RUNX1: variants seen among roughly 807,000 people sequenced by gnomAD.
The protein encoded by RUNX1 is runt-related transcription factor 1.
Under a neutral mutation model 42.8 loss-of-function variants are expected in RUNX1, and 19 were observed. That is an observed-to-expected ratio of 0.44 (90% CI 0.31 to 0.65). RUNX1 has a LOEUF of 0.65. Ranked by LOEUF, RUNX1 falls within the 30% of genes least tolerant of loss-of-function variation. RUNX1 has a pLI of 0.07. For missense variants in RUNX1, 528 were observed against 672.0 expected (o/e 0.79, Z 2.37); for synonymous variants, 271 against 289.4 (o/e 0.94, Z 0.64).
intron 6 of RUNX1, among the ~76,000 whole-genome samples, chr21:34,840,839 T>C (rs138023665): frequency 6.6e-6 from 1 of 152,312 alleles, no homozygotes; most frequent in African/African-American, 2.4e-5. Flanking sequence ...ATGAGTGACC[T>C]TGGACTTCAG....
chr21:35,040,619 A>G (rs1403797562), intron 2 of RUNX1, among the ~76,000 whole-genome samples: 1 of 151,948 alleles, frequency 6.6e-6, no homozygotes, highest in Non-Finnish European at 1.5e-5. Flanking sequence ...TAAAAATACA[A>G]AAATTAGCCG....
intron 2 of RUNX1, among the ~76,000 whole-genome samples, chr21:34,909,348 G>C (rs1169702841): frequency 6.6e-6 from 1 of 152,064 alleles, no homozygotes; most frequent in Non-Finnish European, 1.5e-5. Context: ...TTTAAATGTG[G>C]AAAACAGAGA....
chr21:34,903,762 G>C (rs993149056), intron 2 of RUNX1, among the ~76,000 whole-genome samples: 4 of 152,182 alleles, frequency 2.6e-5, no homozygotes, highest in Non-Finnish European at 5.9e-5. Flanking sequence ...TTGGAAAACA[G>C]ACTGTTATAA....
chr21:34,846,215 T>TTTTTTTTTC (rs1385178245), intron 6 of RUNX1, among the ~76,000 whole-genome samples: 8 of 130,168 alleles, frequency 6.1e-5, no homozygotes, highest in Non-Finnish European at 8.6e-5. Context: ...TTTTTTTTTT[T>TTTTTTTTTC]CAAATGTTGC....
intron 7 of RUNX1, among the ~76,000 whole-genome samples, chr21:34,819,489 C>T (rs565636980): frequency 2.0e-5 from 3 of 152,230 alleles, no homozygotes; most frequent in Admixed American, 6.5e-5. Context: ...GGCCCAGAAG[C>T]CACCCGTCAA....
At chr21:34,997,131 G>A (rs1569143739) in intron 2 of RUNX1, among the ~76,000 whole-genome samples, 1 of 152,188 alleles carries the variant, frequency 6.6e-6, no homozygotes, top group Admixed American at 6.5e-5. Context: ...ATTATGTGAT[G>A]GGCTTAAATT....
intron 5 of RUNX1, among the ~76,000 whole-genome samples, chr21:34,872,398 C>CCA (rs776114717): frequency 3.2e-4 from 49 of 152,216 alleles, no homozygotes; most frequent in Non-Finnish European, 5.9e-4. Flanking sequence ...ACTCCTCCAG[C>CCA]CACTGCACAT....
chr21:35,011,472 G>A (rs1014052761), intron 2 of RUNX1, among the ~76,000 whole-genome samples: 2 of 152,228 alleles, frequency 1.3e-5, no homozygotes, highest in Non-Finnish European at 2.9e-5. Context: ...ATATGTTAAT[G>A]TCTGGGGATC....
intron 1 of RUNX1, 54 bp downstream of exon 1, chr21:35,049,114 T>TA (rs2059421275): frequency 2.0e-6 from 1 of 512,434 alleles, no homozygotes; most frequent in Non-Finnish European, 3.5e-6. Flanking sequence ...TTGTTAAAGA[T>TA]TAAAAAAAAA....
intron 2 of RUNX1, among the ~76,000 whole-genome samples, chr21:35,014,697 G>T (rs1232601053): frequency 6.6e-6 from 1 of 152,216 alleles, no homozygotes; most frequent in East Asian, 1.9e-4. Flanking sequence ...GCAAATCGGA[G>T]CTTCCTCCAT....
In RUNX1 at chr21:34,834,498, G is replaced by T; in HGVS notation, c.717C>A (p.Ser239Arg). Residue 239 changes from serine to arginine, a missense_variant, in exon 7 of 9, where the codon AGC becomes AGA. By Grantham distance (110) the Ser-to-Arg change is moderately radical. Around this residue, in one of 3 missense-constraint regions of RUNX1, gnomAD observed 331 missense variants for 382.5 expected, o/e 0.87. Coordinates refer to ENST00000675419, the MANE Select transcript of RUNX1 (RefSeq NM_001754.5). ...TGGGCGTGGGGGCTGGGTGGTGTGG[G>T]CTGACCCTCATGGCTGTGCGCCGCA... is the stretch of plus-strand genomic sequence containing the variant. ...EQLRRTAMRV[S>R]PHHPAPTPNP... The T allele has an allele frequency of 6.2e-7, 1 of 1,613,400 alleles. No homozygotes were observed. Among genetic ancestry groups the T allele is most frequent in the Non-Finnish European group, 8.5e-7 (1 of 1,179,892 alleles).
chr21:34,897,220 A>G (rs900785564), intron 2 of RUNX1, among the ~76,000 whole-genome samples: 2 of 152,136 alleles, frequency 1.3e-5, no homozygotes, highest in African/African-American at 4.8e-5. Context: ...GTTGATAACA[A>G]TTCGGCCCCC....
rs755073984 is a variant in RUNX1 at position 34,792,472 on chromosome 21, G to A, written c.1106C>T (p.Ser369Leu). 2 of 1,586,278 alleles carry A rather than the reference G, an allele frequency of 1.3e-6. No homozygotes were observed. The highest frequency in any genetic ancestry group is 1.7e-6 in the Non-Finnish European group (2 of 1,166,398). ...GTAGCGCGTGGCCGAGCCCATGGCC[G>A]ACATGCCGATGCCGATGCCCGAGGT... ...PVTSGIGIGM[S>L]AMGSATRYHT... is the part of the protein sequence containing the mutation. The change falls in exon 9 of 9, where the codon TCG (serine) becomes TTG (leucine). Residue 369 changes from serine (S) to leucine (L), a missense_variant. Around this residue, in one of 3 missense-constraint regions of RUNX1, gnomAD observed 331 missense variants for 382.5 expected, o/e 0.87. Coordinates refer to ENST00000675419, the MANE Select transcript of RUNX1 (RefSeq NM_001754.5). This position sits in a 1 kb window ranked among gnomAD's most constrained non-coding sequence, Gnocchi z 6.9.
chr21:34,983,840 G>A (rs1478683487), intron 2 of RUNX1, among the ~76,000 whole-genome samples: 1 of 152,176 alleles, frequency 6.6e-6, no homozygotes, highest in Non-Finnish European at 1.5e-5. Context: ...TTAGCTAGTG[G>A]TTTGGTGTGG....
At chr21:34,993,239 C>T (rs1407428787) in intron 2 of RUNX1, among the ~76,000 whole-genome samples, 1 of 152,168 alleles carries the variant, frequency 6.6e-6, no homozygotes, top group African/African-American at 2.4e-5. Context: ...TTAGCGATGT[C>T]ACTCCTGGAC....
rs540901144 is a variant in RUNX1 at position 34,954,170 on chromosome 21, C to A, written c.59-61207G>T. On this transcript the variant is annotated intron_variant, in intron 2 of 8. Coordinates refer to ENST00000675419, the MANE Select transcript of RUNX1 (RefSeq NM_001754.5). ...AAACATATCACTTCAGTGGTGATAT[C>A]TTAAGCTACAGAAAGAGTCATCTTC... Among the ~76,000 whole-genome samples, 135 of 152,264 alleles carry A rather than the reference C, an allele frequency of 8.9e-4. 2 individuals are homozygous for A. The highest frequency in any genetic ancestry group is 3.2e-3 in the African/African-American group (131 of 41,558).
At chr21:34,863,883 T>G (rs2146260592) in intron 5 of RUNX1, among the ~76,000 whole-genome samples, 1 of 152,230 alleles carries the variant, frequency 6.6e-6, no homozygotes, top group South Asian at 2.1e-4. Context: ...GGTGGGGCGT[T>G]TTGGCCAGTC....
At chr21:34,973,315 A>G (rs2058776177) in intron 2 of RUNX1, among the ~76,000 whole-genome samples, 1 of 152,200 alleles carries the variant, frequency 6.6e-6, no homozygotes, top group African/African-American at 2.4e-5. Flanking sequence ...CATGCCAAGG[A>G]CAAATTTTTG....
intron 2 of RUNX1, among the ~76,000 whole-genome samples, chr21:34,984,000 G>A (rs970581234): frequency 8.5e-5 from 13 of 152,144 alleles, no homozygotes; most frequent in Non-Finnish European, 1.8e-4. Flanking sequence ...TTCCTCAGAG[G>A]GGCATCCCCA....
Sources: allele counts gnomAD v4.1 joint callset (sites outside exome capture counted in the v4.1 genomes callset), GRCh38; gene constraint gnomAD v4.1.1; regional missense constraint gnomAD v4.1.1; non-coding constraint Gnocchi (gnomAD v3.1); transcripts MANE v1.5; gene names NCBI Gene and HGNC (gene_info 2026-07-23, HGNC 2026-07-21).